CAMKMT: variants seen among roughly 807,000 people sequenced by gnomAD.
CAMKMT encodes CaM KMT.
Under a neutral mutation model 48.0 loss-of-function variants are expected in CAMKMT, and 53 were observed. The ratio of observed to expected loss-of-function variants is 1.10; its 90% confidence interval spans 0.89 to 1.39. The LOEUF is 1.39. Among genes scored for constraint, CAMKMT ranks in the 40% most tolerant of loss-of-function variants. The pLI, the probability that CAMKMT is intolerant of heterozygous loss-of-function variation, is 0.00. For synonymous variants in CAMKMT, 165 were observed against 152.3 expected (o/e 1.08, Z -0.61); for missense variants, 428 against 402.7 (o/e 1.06, Z -0.54).
intron 2 of CAMKMT, among the ~76,000 whole-genome samples, chr2:44,378,331 A>C (rs1679901901): frequency 6.6e-6 from 1 of 152,230 alleles, no homozygotes; most frequent in Non-Finnish European, 1.5e-5. Context: ...AACATTTTCC[A>C]AATCCCAATA....
At chr2:44,702,552 A>AGGT (rs1203954474) in intron 3 of CAMKMT, among the ~76,000 whole-genome samples, 5 of 152,228 alleles carry the variant, frequency 3.3e-5, no homozygotes, top group Non-Finnish European at 7.3e-5. Context: ...AGGGATAGGC[A>AGGT]GGTTAAGTAA....
At chr2:44,592,541 G>A (rs1572875630) in intron 3 of CAMKMT, among the ~76,000 whole-genome samples, 1 of 151,968 alleles carries the variant, frequency 6.6e-6, no homozygotes, top group Non-Finnish European at 1.5e-5. Flanking sequence ...CTTAATAATG[G>A]CCCCAAAGTG....
chr2:44,394,432 A>AT (rs1018114639), intron 3 of CAMKMT, among the ~76,000 whole-genome samples: 148 of 139,352 alleles, frequency 1.1e-3, no homozygotes, highest in South Asian at 2.5e-3. Flanking sequence ...ACTGACCAGG[A>AT]TTTTTTTTTT....
intron 3 of CAMKMT, among the ~76,000 whole-genome samples, chr2:44,449,678 G>A (rs1389629527): frequency 1.3e-5 from 2 of 152,076 alleles, no homozygotes; most frequent in Non-Finnish European, 2.9e-5. Flanking sequence ...AATAGCATTG[G>A]CAGATGTATG....
chr2:44,375,775 C>T (rs1361801087), intron 2 of CAMKMT, among the ~76,000 whole-genome samples: 1 of 151,834 alleles, frequency 6.6e-6, no homozygotes. Flanking sequence ...TGGATCTGCT[C>T]CAGGTTCTTG....
chr2:44,603,283 G>GCT (rs1328000306), intron 3 of CAMKMT, among the ~76,000 whole-genome samples: 180 of 151,526 alleles, frequency 1.2e-3, no homozygotes, highest in African/African-American at 4.1e-3. Context: ...TAGAGACAGG[G>GCT]TTTCACCATG....
At chr2:44,604,556 TG>T (rs977210678) in intron 3 of CAMKMT, among the ~76,000 whole-genome samples, 4 of 106,948 alleles carry the variant, frequency 3.7e-5, no homozygotes, top group Non-Finnish European at 6.6e-5. Flanking sequence ...AAAGCCAATC[TG>T]GTTTTTTTTT....
intron 3 of CAMKMT, among the ~76,000 whole-genome samples, chr2:44,523,412 C>T (rs930716016): frequency 2.0e-5 from 3 of 151,670 alleles, no homozygotes; most frequent in African/African-American, 7.3e-5. Flanking sequence ...CCTGACTCAG[C>T]CTCCTGAGTA....
At chr2:44,500,982 T>C (rs1332387698) in intron 3 of CAMKMT, among the ~76,000 whole-genome samples, 2 of 151,824 alleles carry the variant, frequency 1.3e-5, no homozygotes, top group East Asian at 3.9e-4. Flanking sequence ...ATGCCCAGCC[T>C]CAGATTAGTT....
intron 3 of CAMKMT, among the ~76,000 whole-genome samples, chr2:44,667,337 C>G (rs576788858): frequency 6.6e-6 from 1 of 152,218 alleles, no homozygotes; most frequent in Non-Finnish European, 1.5e-5. Flanking sequence ...CGGCTCTCCC[C>G]TGAGGACCCT....
At chr2:44,754,328 C>T (rs962503387) in intron 9 of CAMKMT, among the ~76,000 whole-genome samples, 5 of 152,162 alleles carry the variant, frequency 3.3e-5, no homozygotes, top group African/African-American at 1.2e-4. Context: ...ATAAGAAACA[C>T]AGTGGGTAGT....
chr2:44,624,267 G>A (rs542672609), intron 3 of CAMKMT, among the ~76,000 whole-genome samples: 1 of 152,108 alleles, frequency 6.6e-6, no homozygotes, highest in East Asian at 1.9e-4. Context: ...TTATTCTTGG[G>A]TAAATATCTA....
At chr2:44,665,390 C>T (rs998833951) in intron 3 of CAMKMT, among the ~76,000 whole-genome samples, 3 of 152,142 alleles carry the variant, frequency 2.0e-5, no homozygotes, top group African/African-American at 7.2e-5. Context: ...TTTTAACGTG[C>T]AGCCATGGGC....
intron 3 of CAMKMT, among the ~76,000 whole-genome samples, chr2:44,560,147 G>A (rs535683306): frequency 2.5e-4 from 38 of 152,270 alleles, no homozygotes; most frequent in Admixed American, 4.6e-4. Flanking sequence ...AACACACTGG[G>A]AGTTTCTGTT....
intron 3 of CAMKMT, among the ~76,000 whole-genome samples, chr2:44,590,437 A>G (rs1019070917): frequency 1.3e-5 from 2 of 152,188 alleles, no homozygotes; most frequent in African/African-American, 4.8e-5. Context: ...TGACTTTTTA[A>G]TGATTGCCAT....
At position 44,477,720 on chromosome 2, in the gene CAMKMT, C is replaced by T. The variant is rs575832431; in HGVS notation, c.376+87415C>T. Among the ~76,000 whole-genome samples, 9 of 152,172 alleles carry T rather than the reference C, an allele frequency of 5.9e-5. No individual in the cohort carries two copies. The South Asian group carries it at 1.9e-3, about 32-fold the overall frequency. On this transcript the variant is annotated intron_variant, in intron 3 of 10. Coordinates refer to ENST00000378494, the MANE Select transcript of CAMKMT (RefSeq NM_024766.5). ...GAGTCCATCAGAGCTTTTGTTCGCACTAAAGAATAGTCATTTGAAGAAAAT... is the reference window on the plus strand; with the variant it reads ...GAGTCCATCAGAGCTTTTGTTCGCATTAAAGAATAGTCATTTGAAGAAAAT...
At chr2:44,747,064 G>T (rs1157669479) in intron 8 of CAMKMT, among the ~76,000 whole-genome samples, 2 of 152,102 alleles carry the variant, frequency 1.3e-5, no homozygotes, top group South Asian at 4.1e-4. Flanking sequence ...TACCCTGACC[G>T]GCCCATTGAG....
At chr2:44,574,306 G>A (rs553601038) in intron 3 of CAMKMT, among the ~76,000 whole-genome samples, 1 of 152,266 alleles carries the variant, frequency 6.6e-6, no homozygotes, top group South Asian at 2.1e-4. Context: ...GGTAGGGTAG[G>A]TATGTTGAAT....
chr2:44,379,941 T>C (rs1680074490), intron 2 of CAMKMT, among the ~76,000 whole-genome samples: 3 of 152,290 alleles, frequency 2.0e-5, no homozygotes, highest in Admixed American at 6.5e-5. Context: ...TTTAACTTTC[T>C]TGATATGTAG....
Sources: gnomAD v4.1 joint callset for allele counts (sites outside exome capture counted in the v4.1 genomes callset) on GRCh38, gnomAD v4.1.1 for gene constraint, MANE v1.5 for transcripts, NCBI Gene and HGNC (gene_info 2026-07-23, HGNC 2026-07-21) for gene names.